The following MKRN2 variants were observed in gnomAD, a reference collection of about 807,000 sequenced individuals.
MKRN2 encodes the protein makorin ring finger protein 2, also known as E3 ubiquitin-protein ligase makorin-2.
A neutral mutation model predicts 45.4 loss-of-function variants in MKRN2; 32 were observed. The ratio of observed to expected loss-of-function variants is 0.70; its 90% CI spans 0.53 to 0.95. The LOEUF (loss-of-function observed/expected upper bound fraction) is 0.95. MKRN2 is among the 40% of genes least tolerant of loss of function. The pLI, the probability that MKRN2 is intolerant of heterozygous loss-of-function variation, is 0.00. For missense variants in MKRN2, 526 were observed against 536.7 expected (o/e 0.98, Z 0.20); for synonymous variants, 206 against 192.4 (o/e 1.07, Z -0.59).
At chr3:12,574,433 G>C (rs34497961) in intron 4 of MKRN2, among the ~76,000 whole-genome samples, 1 of 152,250 alleles carries the variant, frequency 6.6e-6, no homozygotes, top group Non-Finnish European at 1.5e-5. Flanking sequence ...ACATGGCTCA[G>C]AGTCGGGGGA....
intron 3 of MKRN2, among the ~76,000 whole-genome samples, chr3:12,570,978 G>A (rs536080389): frequency 9.9e-5 from 15 of 151,896 alleles, no homozygotes; most frequent in Non-Finnish European, 1.5e-4. Context: ...TAGTTTTTAT[G>A]CTGACAGTGT....
In MKRN2 at chr3:12,581,350, C is replaced by T. The variant is rs77305958; in HGVS notation, c.969-458C>T. ...TAAAACCCTCTGCTTTCCCTGTAGC[C>T]ACCTTGACAGCACTGCGGCCAGGAG... On this transcript the variant is annotated intron_variant, in intron 6 of 7. Coordinates refer to ENST00000170447, the MANE Select transcript of MKRN2 (RefSeq NM_014160.5). Among the ~76,000 whole-genome samples the T allele has an allele frequency of 4.2e-3, 642 of 152,280 alleles. 11 individuals carry two copies. Among genetic ancestry groups the T allele is most frequent in the East Asian group, 0.035 (183 of 5,174 alleles).
In MKRN2 at chr3:12,583,710, A is replaced by G. The variant is rs2058214664; in HGVS notation, c.*1457A>G. 4.3e-6 allele frequency: 1 copy of G among 233,462 alleles called. No individual in the cohort carries two copies. The highest frequency in any genetic ancestry group is 8.5e-6 in the Non-Finnish European group (1 of 118,036). 14.5% of individuals were successfully genotyped at this position (233,462 alleles called of 1,614,324 possible). A position where few individuals can be genotyped will look rare whatever the true frequency, so the allele number is the denominator to read the frequency against. ...CAAAATTAAAACCCAAATCATCAAG[A>G]AAACCTGTATTCCTGGCTTCCTTGT... On this transcript the variant is annotated 3_prime_UTR_variant, in exon 8 of 8. Coordinates refer to ENST00000170447, the MANE Select transcript of MKRN2 (RefSeq NM_014160.5).
chr3:12,567,150 A>G (rs2058073005), intron 1 of MKRN2, among the ~76,000 whole-genome samples: 1 of 143,068 alleles, frequency 7.0e-6, no homozygotes, highest in Admixed American at 7.0e-5. Context: ...TTTGGATTGT[A>G]TTGTCTTCCT....
rs1427116069 is a variant in MKRN2, at chr3:12,557,463, C to A, written c.26+287C>A. Among the ~76,000 whole-genome samples, 3 of 152,172 alleles carry A rather than the reference C, an allele frequency of 2.0e-5. 1 individual carries two copies. The highest frequency in any genetic ancestry group is 4.1e-4 in the South Asian group (2 of 4,830). On this transcript the variant is annotated intron_variant, in intron 1 of 7. Coordinates refer to ENST00000170447, the MANE Select transcript of MKRN2 (RefSeq NM_014160.5). The stretch of plus-strand genomic sequence containing the variant: ...GAAGGACGTCCTAGCCAGGGCCGTG[C>A]AGGATGCCGGGGCGCTGTCGGGAAG...
At position 12,576,623 on chromosome 3, in the gene MKRN2, T is replaced by C. The variant is rs2058138637; in HGVS notation, c.858-8T>C. 1 of 1,572,864 alleles carries C rather than the reference T, an allele frequency of 6.4e-7. No individual in the cohort carries two copies. Among genetic ancestry groups the C allele is most frequent in the Non-Finnish European group, 8.7e-7 (1 of 1,143,446 alleles). On this transcript the variant is annotated splice_polypyrimidine_tract_variant and splice_region_variant and intron_variant, in intron 5 of 7. Transcript: ENST00000170447. ...ACTTCTCCCTTAGTAATCTAATTCT[T>C]ATTTCAGGTCTTGTCCAGAATGCCG... is the stretch of plus-strand genomic sequence containing the variant.
chr3:12,576,931 G>GTT, intron 6 of MKRN2, 190 bp downstream of exon 6: 7 of 122,138 alleles, frequency 5.7e-5, no homozygotes, highest in South Asian at 3.0e-4. Context: ...TTTAGTTTTG[G>GTT]TGTTTTTTTT....
chr3:12,564,612 C>G (rs2058059540), intron 1 of MKRN2, among the ~76,000 whole-genome samples: 1 of 152,080 alleles, frequency 6.6e-6, no homozygotes, highest in African/African-American at 2.4e-5. Flanking sequence ...TTTTTAACAG[C>G]TTTTTCTGAG....
At position 12,582,785 on chromosome 3, in the gene MKRN2, A is replaced by G. The variant is rs1056921562; in HGVS notation, c.*532A>G. ...CAGCATAGCTGTTAACAAACATACA[A>G]CTTTTTTCTAGGGCTTTAAGGGTGG... On this transcript the variant is annotated 3_prime_UTR_variant, in exon 8 of 8. Coordinates refer to ENST00000170447, the MANE Select transcript of MKRN2 (RefSeq NM_014160.5). 4.6e-5 allele frequency: 7 copies of G among 152,726 alleles called. No individual in the cohort carries two copies. Among genetic ancestry groups the G allele is most frequent in the Non-Finnish European group, 7.3e-5 (5 of 68,448 alleles). 9.5% of individuals were successfully genotyped at this position (152,726 alleles called of 1,614,324 possible). A position where few individuals can be genotyped will look rare whatever the true frequency, so the allele number is the denominator to read the frequency against.
chr3:12,576,808 G>C, intron 6 of MKRN2, 67 bp downstream of exon 6: 3 of 1,168,686 alleles, frequency 2.6e-6, no homozygotes, highest in South Asian at 1.3e-5. Flanking sequence ...CCGTGTCCTC[G>C]TTCTCCTTCC....
chr3:12,569,946 G>T, intron 2 of MKRN2, 125 bp from the exon 3 acceptor site: 1 of 877,088 alleles, frequency 1.1e-6, no homozygotes, highest in Non-Finnish European at 1.7e-6. Context: ...TTTAAATATT[G>T]GAAAAGATGG....
intron 6 of MKRN2, among the ~76,000 whole-genome samples, chr3:12,579,437 G>T (rs559817722): frequency 9.8e-5 from 15 of 152,306 alleles, no homozygotes; most frequent in African/African-American, 3.4e-4. Context: ...AAAGTGCTAG[G>T]ATTATAGGTG....
chr3:12,572,285 G>T lies in MKRN2; in HGVS notation c.554G>T (p.Cys185Phe), dbSNP rs761535028. ...AAGECRFGDACVYLHGEVCEI... is the reference protein window; with the variant it reads ...AAGECRFGDAFVYLHGEVCEI... Reference sequence around the variant, plus strand: ...GGGGAGTGCCGGTTTGGGGATGCCTGTGTCTACCTGCACGGGGAGGTGTGT... The same window carrying T: ...GGGGAGTGCCGGTTTGGGGATGCCTTTGTCTACCTGCACGGGGAGGTGTGT... Residue 185 changes from cysteine (C) to phenylalanine (F), a missense_variant, in exon 4 of 8, where the codon TGT (cysteine) becomes TTT (phenylalanine). Transcript: ENST00000170447. 1 of 1,613,862 alleles carries T rather than the reference G, an allele frequency of 6.2e-7. No individual in the cohort carries two copies. Among genetic ancestry groups the T allele is most frequent in the South Asian group, 1.1e-5 (1 of 91,078 alleles).
chr3:12,579,669 A>T (rs1372757986), intron 6 of MKRN2, among the ~76,000 whole-genome samples: 1 of 152,194 alleles, frequency 6.6e-6, no homozygotes, highest in Non-Finnish European at 1.5e-5. Context: ...GGACATGGGC[A>T]CAGAAGGGTG....
intron 6 of MKRN2, 109 bp from the exon 7 acceptor site, chr3:12,581,699 G>A (rs540888588): frequency 7.9e-7 from 1 of 1,268,532 alleles, no homozygotes; most frequent in East Asian, 2.3e-5. Flanking sequence ...TAGAATGTGA[G>A]GCTGACCTAC....
intron 1 of MKRN2, among the ~76,000 whole-genome samples, chr3:12,565,200 A>G (rs2058062053): frequency 6.6e-6 from 1 of 152,222 alleles, no homozygotes; most frequent in East Asian, 1.9e-4. Flanking sequence ...AAACTGTCAA[A>G]CTGTCTTCCA....
At chr3:12,569,699 A>T (rs145032135) in intron 2 of MKRN2, among the ~76,000 whole-genome samples, 2 of 152,232 alleles carry the variant, frequency 1.3e-5, no homozygotes, top group African/African-American at 4.8e-5. Context: ...GGGAGAGATC[A>T]TTGGCCCTTG....
At chr3:12,571,899 C>G (rs1263941773) in intron 3 of MKRN2, among the ~76,000 whole-genome samples, 170 bp from the exon 4 acceptor site, 1 of 151,802 alleles carries the variant, frequency 6.6e-6, no homozygotes, top group Non-Finnish European at 1.5e-5. Flanking sequence ...TCACTATGAA[C>G]ATTTTATACT....
At chr3:12,563,530 G>T (rs1186224018) in intron 1 of MKRN2, among the ~76,000 whole-genome samples, 2 of 130,976 alleles carry the variant, frequency 1.5e-5, no homozygotes, top group East Asian at 2.2e-4. Flanking sequence ...TCACTCTGTC[G>T]CCAGGCTGGA....
Sources: gnomAD v4.1 joint callset for allele counts (sites outside exome capture counted in the v4.1 genomes callset) on GRCh38, gnomAD v4.1.1 for gene constraint, MANE v1.5 for transcripts, NCBI Gene and HGNC (gene_info 2026-07-23, HGNC 2026-07-21) for gene names.